ANKFN1: variants seen among roughly 807,000 people sequenced by gnomAD.
ANKFN1 encodes the protein ankyrin repeat and fibronectin type-III domain-containing protein 1.
Under a neutral mutation model 108.7 loss-of-function variants are expected in ANKFN1, and 74 were observed. That is an observed-to-expected ratio of 0.68 (90% CI 0.56 to 0.83). The LOEUF is 0.83. ANKFN1 is among the 40% of genes least tolerant of loss of function. The pLI is 0.00. For synonymous variants in ANKFN1, 547 were observed against 516.2 expected (o/e 1.06, Z -0.81); for missense variants, 1,505 against 1,382.3 (o/e 1.09, Z -1.41).
At chr17:56,318,098 A>G (rs2045259449) in intron 3 of ANKFN1, among the ~76,000 whole-genome samples, 1 of 152,166 alleles carries the variant, frequency 6.6e-6, no homozygotes. Context: ...AGGTCACTTA[A>G]TGTCCCTTGT....
chr17:56,333,856 A>G (rs1033955370), intron 4 of ANKFN1, among the ~76,000 whole-genome samples: 5 of 152,118 alleles, frequency 3.3e-5, no homozygotes, highest in African/African-American at 1.2e-4. Flanking sequence ...TTCCCATAAA[A>G]GGTGGTCTCC....
At chr17:56,118,270 G>T (rs1234561392) in intron 4 of ANKFN1, among the ~76,000 whole-genome samples, 2 of 152,166 alleles carry the variant, frequency 1.3e-5, no homozygotes, top group Middle Eastern at 3.4e-3. Flanking sequence ...TAGATCAGAT[G>T]GTAACTCTGT....
At chr17:56,487,714 A>G (rs1053260355) in intron 18 of ANKFN1, among the ~76,000 whole-genome samples, 15 of 152,346 alleles carry the variant, frequency 9.8e-5, no homozygotes, top group African/African-American at 3.4e-4. Context: ...GATATTCTTC[A>G]TAAAACGAAA....
chr17:56,243,034 T>G (rs190288541), intron 3 of ANKFN1, among the ~76,000 whole-genome samples: 2 of 152,194 alleles, frequency 1.3e-5, no homozygotes, highest in Non-Finnish European at 2.9e-5. Flanking sequence ...AATGCTTTTT[T>G]AAAATGTATT....
intron 2 of ANKFN1, among the ~76,000 whole-genome samples, chr17:56,227,335 T>C (rs1341635735): frequency 1.3e-5 from 2 of 152,122 alleles, no homozygotes; most frequent in African/African-American, 2.4e-5. Flanking sequence ...TCCCTCCCCT[T>C]TTACCAACAT....
At chr17:56,353,464 T>A (rs1330723164) in intron 5 of ANKFN1, among the ~76,000 whole-genome samples, 2 of 152,138 alleles carry the variant, frequency 1.3e-5, no homozygotes, top group African/African-American at 4.8e-5. Context: ...TTCAAACTCC[T>A]CGCCTCAAGT....
chr17:56,388,983 A>C (rs1019988525), intron 8 of ANKFN1, among the ~76,000 whole-genome samples: 4 of 149,260 alleles, frequency 2.7e-5, no homozygotes, highest in Admixed American at 6.7e-5. Context: ...TGATACAGCC[A>C]CTCTGGAAAA....
intron 18 of ANKFN1, among the ~76,000 whole-genome samples, chr17:56,483,260 A>G (rs2050768149): frequency 6.6e-6 from 1 of 152,290 alleles, no homozygotes; most frequent in South Asian, 2.1e-4. Flanking sequence ...TCCCCTTCCC[A>G]TGCTTCATCT....
chr17:56,340,725 G>A (rs1462841617), intron 4 of ANKFN1, among the ~76,000 whole-genome samples: 1 of 152,118 alleles, frequency 6.6e-6, no homozygotes, highest in Non-Finnish European at 1.5e-5. Flanking sequence ...ATAGTTCAAA[G>A]TTGGGTAGCA....
At chr17:56,171,064 T>C (rs1294269660) in intron 1 of ANKFN1, among the ~76,000 whole-genome samples, 1 of 151,700 alleles carries the variant, frequency 6.6e-6, no homozygotes, top group Non-Finnish European at 1.5e-5. Flanking sequence ...AGAAAGTTAT[T>C]TGCAGGAGTT....
chr17:56,502,672 T>C (rs1040937876), intron 20 of ANKFN1, among the ~76,000 whole-genome samples: 3 of 152,230 alleles, frequency 2.0e-5, no homozygotes, highest in Non-Finnish European at 4.4e-5. Context: ...AAGCCATTTA[T>C]GAAAAGGGGG....
chr17:56,353,775 C>G, intron 5 of ANKFN1, 61 bp from the exon 6 acceptor site: 2 of 1,487,582 alleles, frequency 1.3e-6, no homozygotes, highest in Non-Finnish European at 1.9e-6. Context: ...TTCAAAAGAG[C>G]TAAGCTACAA....
rs558491927 is a variant in ANKFN1 at position 56,155,114 on chromosome 17, A to G, written c.-71+1584A>G. ...AAGAACAGCTGCTGCAAAAAGGAACATGGCAGACAGAGGAGGAAGTAGAGC... is the reference window on the plus strand; with the variant it reads ...AAGAACAGCTGCTGCAAAAAGGAACGTGGCAGACAGAGGAGGAAGTAGAGC... On this transcript the variant is annotated intron_variant, in intron 1 of 20. Coordinates refer to ENST00000682825, the MANE Select transcript of ANKFN1 (RefSeq NM_001370326.1). Among the ~76,000 whole-genome samples, 8 of 152,302 alleles carry G rather than the reference A, an allele frequency of 5.3e-5. No homozygotes were observed. In the East Asian group the frequency reaches 1.3e-3, roughly 26 times the overall value.
intron 6 of ANKFN1, among the ~76,000 whole-genome samples, chr17:56,360,179 C>T (rs1020412740): frequency 2.6e-5 from 4 of 152,152 alleles, no homozygotes; most frequent in African/African-American, 9.7e-5. Flanking sequence ...GATCTTCACC[C>T]TAACTTACAA....
chr17:56,120,604 A>G (rs1906557187), intron 4 of ANKFN1, among the ~76,000 whole-genome samples: 1 of 152,186 alleles, frequency 6.6e-6, no homozygotes, highest in Non-Finnish European at 1.5e-5. Flanking sequence ...AGCTTGGACA[A>G]GCATGAAAAT....
intron 4 of ANKFN1, among the ~76,000 whole-genome samples, chr17:56,340,552 A>T (rs1461113131): frequency 6.6e-6 from 1 of 152,052 alleles, no homozygotes; most frequent in East Asian, 1.9e-4. Flanking sequence ...AGCACCATTT[A>T]TTGAATAGGG....
intron 3 of ANKFN1, among the ~76,000 whole-genome samples, chr17:56,293,209 T>A (rs994166304): frequency 1.3e-5 from 2 of 152,228 alleles, no homozygotes; most frequent in African/African-American, 4.8e-5. Flanking sequence ...CATTCATTCA[T>A]TCATTTGCTT....
chr17:56,287,004 G>A (rs543562515), intron 3 of ANKFN1, among the ~76,000 whole-genome samples: 7 of 152,110 alleles, frequency 4.6e-5, no homozygotes, highest in Non-Finnish European at 8.8e-5. Flanking sequence ...ATTGTGACCT[G>A]GGGGCGAGGC....
intron 20 of ANKFN1, among the ~76,000 whole-genome samples, chr17:56,507,784 T>C (rs35774871): frequency 0.59 from 89,850 of 152,164 alleles, 32,342 homozygotes; most frequent in East Asian, 0.87. Context: ...AACTATCACA[T>C]AGCTGGTTCC....
Sources: allele counts gnomAD v4.1 joint callset (sites outside exome capture counted in the v4.1 genomes callset), GRCh38; gene constraint gnomAD v4.1.1; transcripts MANE v1.5; gene names NCBI Gene and HGNC (gene_info 2026-07-23, HGNC 2026-07-21).